Variants in HMGXB4 observed in about 807,000 individuals in gnomAD.
HMGXB4 encodes HMG-box containing 4.
HMGXB4 carries 27 observed loss-of-function variants against 63.9 expected under a neutral mutation model. The ratio of observed to expected loss-of-function variants is 0.42; its 90% CI spans 0.31 to 0.58. The LOEUF is 0.58. Among genes scored for constraint, HMGXB4 ranks in the 20% least tolerant of loss-of-function variants. The pLI is 0.13. For synonymous variants in HMGXB4, 264 were observed against 265.3 expected (o/e 0.99, Z 0.05); for missense variants, 624 against 700.7 (o/e 0.89, Z 1.24).
rs1925126160 is a variant in HMGXB4, at chr22:35,294,374, C to G, written c.*723C>G. On this transcript the variant is annotated 3_prime_UTR_variant, in exon 11 of 11. Coordinates refer to ENST00000216106, the MANE Select transcript of HMGXB4 (RefSeq NM_001003681.3). ...CTGTCAATGCCACCAGTTGGACCTC[C>G]ATACATTCTGAGCTAACCCAGAATC... 6.6e-6 allele frequency: 1 copy of G among 152,612 alleles called. No homozygotes were observed. Among genetic ancestry groups the G allele is most frequent in the Non-Finnish European group, 1.5e-5 (1 of 68,050 alleles). 9.5% of individuals were successfully genotyped at this position (152,612 alleles called of 1,614,324 possible).
intron 9 of HMGXB4, 73 bp from the exon 10 acceptor site, chr22:35,292,919 T>C (rs1925017592): frequency 1.0e-5 from 16 of 1,581,060 alleles, no homozygotes; most frequent in African/African-American, 1.3e-5. Context: ...GGATTTAAAG[T>C]ACTGTGTGAG....
chr22:35,260,705 C>T (rs1308171003), intron 1 of HMGXB4, among the ~76,000 whole-genome samples: 2 of 152,188 alleles, frequency 1.3e-5, no homozygotes, highest in African/African-American at 4.8e-5. Context: ...TATTTCACTT[C>T]TCAGAGAAGT....
At chr22:35,292,384 A>G (rs1034886273) in intron 9 of HMGXB4, among the ~76,000 whole-genome samples, 3 of 152,162 alleles carry the variant, frequency 2.0e-5, no homozygotes, top group Non-Finnish European at 2.9e-5. Flanking sequence ...GCTTCCCAAT[A>G]TGACATATTC....
At chr22:35,255,411 G>A (rs1922351602), upstream of HMGXB4, among the ~76,000 whole-genome samples, 1 of 152,142 alleles carries the variant, frequency 6.6e-6, no homozygotes, top group Non-Finnish European at 1.5e-5. Flanking sequence ...GCTACTTGGG[G>A]GGCTGAGGTG....
chr22:35,276,058 C>G (rs1923896790), intron 5 of HMGXB4, among the ~76,000 whole-genome samples: 1 of 152,152 alleles, frequency 6.6e-6, no homozygotes. Flanking sequence ...AGATCATCCT[C>G]TATTTGTATA....
At chr22:35,262,875 C>G in intron 2 of HMGXB4, 2 of 598,604 alleles carry the variant, frequency 3.3e-6, no homozygotes, top group Non-Finnish European at 2.9e-6. Flanking sequence ...AACATTGTTT[C>G]TTCAGGTTTG....
chr22:35,248,234 G>A, the HMGXB4 span, among the ~76,000 whole-genome samples: 1 of 152,234 alleles, frequency 6.6e-6, no homozygotes, highest in South Asian at 2.1e-4. Context: ...AAATACCTGA[G>A]GCTGGGTAAT....
Position 35,263,887 on chromosome 22 carries a change from A to C in HMGXB4, c.259+13A>C. On this transcript the variant is annotated intron_variant, in intron 4 of 10. Transcript: ENST00000216106. ...TACTACTATGGAGGTGAGGATGGGA[A>C]TGGGCAACAGGTGGGATAAACACAT... The C allele has an allele frequency of 6.2e-7, 1 of 1,610,944 alleles. No homozygotes were observed. The highest frequency in any genetic ancestry group is 8.5e-7 in the Non-Finnish European group (1 of 1,177,060).
At position 35,275,692 on chromosome 22, in the gene HMGXB4, A is replaced by G. The variant is rs189420077; in HGVS notation, c.1216-8270A>G. On this transcript the variant is annotated intron_variant, in intron 5 of 10. Coordinates refer to ENST00000216106, the MANE Select transcript of HMGXB4 (RefSeq NM_001003681.3). ...CTGTTCAAGGCTTCAGTGAGTCGTA[A>G]TGAGCCACTGCACTCCATCCTGGGT... Among the ~76,000 whole-genome samples the G allele has an allele frequency of 2.3e-3, 343 of 152,238 alleles. 8 individuals carry two copies. The highest frequency in any genetic ancestry group is 1.7e-3 in the East Asian group (9 of 5,178).
chr22:35,253,857 A>T (rs1380015214), upstream of HMGXB4, among the ~76,000 whole-genome samples: 1 of 152,022 alleles, frequency 6.6e-6, no homozygotes, highest in Non-Finnish European at 1.5e-5. Flanking sequence ...TACATGAGTT[A>T]CATATTTTCT....
chr22:35,257,031 T>A (rs953554720), upstream of HMGXB4, among the ~76,000 whole-genome samples: 1 of 152,258 alleles, frequency 6.6e-6, no homozygotes, highest in Non-Finnish European at 1.5e-5. Context: ...TGCCAAATGT[T>A]CAAATGTAGA....
chr22:35,248,153 A>T, the HMGXB4 span, among the ~76,000 whole-genome samples: 1 of 152,230 alleles, frequency 6.6e-6, no homozygotes, highest in Admixed American at 6.5e-5. Context: ...ATAAAAATAC[A>T]GTACAAAAGG....
At chr22:35,256,513 T>A (rs764663657), upstream of HMGXB4, among the ~76,000 whole-genome samples, 24 of 152,058 alleles carry the variant, frequency 1.6e-4, no homozygotes, top group African/African-American at 2.4e-4. Context: ...ATATATATAT[T>A]TTTTGAGATG....
At chr22:35,274,478 A>C (rs961524360) in intron 5 of HMGXB4, among the ~76,000 whole-genome samples, 1 of 152,250 alleles carries the variant, frequency 6.6e-6, no homozygotes, top group Non-Finnish European at 1.5e-5. Context: ...GTACATGTAG[A>C]GTTCCTCGTA....
chr22:35,285,374 G>A (rs989175198), intron 6 of HMGXB4, among the ~76,000 whole-genome samples: 7 of 152,048 alleles, frequency 4.6e-5, no homozygotes, highest in East Asian at 1.9e-4. Flanking sequence ...GTGAAACCCC[G>A]TCTCTACTAA....
At chr22:35,273,479 G>A (rs1396433848) in intron 5 of HMGXB4, among the ~76,000 whole-genome samples, 1 of 152,186 alleles carries the variant, frequency 6.6e-6, no homozygotes, top group Non-Finnish European at 1.5e-5. Flanking sequence ...TAAATTAGGT[G>A]GTGCATGTAA....
In HMGXB4 at chr22:35,262,957, C is replaced by T. The variant is rs551704821; in HGVS notation, c.32-121C>T. 4.5e-4 allele frequency: 428 copies of T among 941,018 alleles called. 5 individuals are homozygous for T. In the South Asian group the frequency reaches 5.9e-3, roughly 13 times the overall value. 58.3% of individuals were successfully genotyped at this position (941,018 alleles called of 1,614,324 possible). Reference sequence around the variant, plus strand: ...GGGTCTAGCCCTGTATTTCAGTGGACTTGATTGAAACATTGTTTTAATTTG... The same window carrying T: ...GGGTCTAGCCCTGTATTTCAGTGGATTTGATTGAAACATTGTTTTAATTTG... On this transcript the variant is annotated intron_variant, in intron 2 of 10. Coordinates refer to ENST00000216106, the MANE Select transcript of HMGXB4 (RefSeq NM_001003681.3).
intron 5 of HMGXB4, among the ~76,000 whole-genome samples, chr22:35,282,286 C>T (rs942421937): frequency 6.6e-5 from 10 of 152,248 alleles, no homozygotes; most frequent in Non-Finnish European, 7.3e-5. Flanking sequence ...ACACCATTCT[C>T]CTGCCTCAGC....
rs117987297 is a variant in HMGXB4, at chr22:35,274,349, T to C, written c.1215+8746T>C. 7.1e-3 allele frequency among the ~76,000 whole-genome samples: 1,089 copies of C among 152,316 alleles called. 6 individuals carry two copies. Among genetic ancestry groups the C allele is most frequent in the Non-Finnish European group, 0.011 (740 of 68,034 alleles). On this transcript the variant is annotated intron_variant, in intron 5 of 10. Coordinates refer to ENST00000216106, the MANE Select transcript of HMGXB4 (RefSeq NM_001003681.3). ...TTCAGAGAAACCCAGGAAGTTGATA[T>C]GACTGAAGCAAAGTCAGCGAAAGGT...
Sources: gnomAD v4.1 joint callset for allele counts (sites outside exome capture counted in the v4.1 genomes callset) on GRCh38, gnomAD v4.1.1 for gene constraint, MANE v1.5 for transcripts, NCBI Gene and HGNC (gene_info 2026-07-23, HGNC 2026-07-21) for gene names.